GPC5: variants seen among roughly 807,000 people sequenced by gnomAD.
GPC5 encodes glypican-5.
A neutral mutation model predicts 53.9 loss-of-function variants in GPC5; 47 were observed. The observed-to-expected ratio is 0.87, with a 90% CI of 0.69 to 1.11. The LOEUF is 1.11. GPC5 is among the 50% of genes most tolerant of loss of function. The probability of loss-of-function intolerance (pLI) is 0.00; values close to 1 mark genes in which losing one functional copy is unlikely to be tolerated. For missense variants in GPC5, 748 were observed against 713.1 expected (o/e 1.05, Z -0.56); for synonymous variants, 286 against 263.3 (o/e 1.09, Z -0.84).
chr13:91,843,583 A>T (rs1352380772), intron 5 of GPC5, among the ~76,000 whole-genome samples: 2 of 152,210 alleles, frequency 1.3e-5, no homozygotes, highest in Non-Finnish European at 1.5e-5. Flanking sequence ...CTGTTTTAAA[A>T]CAACTGAGAA....
At chr13:92,093,294 G>A (rs760973862) in intron 6 of GPC5, among the ~76,000 whole-genome samples, 7 of 151,998 alleles carry the variant, frequency 4.6e-5, no homozygotes, top group East Asian at 3.9e-4. Flanking sequence ...CAGTTAAGTC[G>A]GTATTATTAC....
intron 6 of GPC5, among the ~76,000 whole-genome samples, chr13:92,046,328 G>T (rs894341253): frequency 2.0e-5 from 3 of 152,136 alleles, no homozygotes; most frequent in Admixed American, 1.3e-4. Flanking sequence ...TGTTTGAAAT[G>T]AATGTCATCT....
intron 6 of GPC5, among the ~76,000 whole-genome samples, chr13:92,031,805 A>G (rs12323264): frequency 0.019 from 1,800 of 95,516 alleles, 226 homozygotes; most frequent in African/African-American, 0.088. Context: ...TATATAATAT[A>G]TAATATATTA....
At position 91,888,057 on chromosome 13, in the gene GPC5, A is replaced by T. The variant is rs377685619; in HGVS notation, c.1281-19880A>T. Among the ~76,000 whole-genome samples, 6 of 152,310 alleles carry T rather than the reference A, an allele frequency of 3.9e-5. No homozygotes were observed. In the East Asian group the frequency reaches 1.2e-3, roughly 29 times the overall value. ...CATTTTTGTACTGCTATGAAGAAATATGCGAGAATGAGTAATTTACAGAGA... is the reference window on the plus strand; with the variant it reads ...CATTTTTGTACTGCTATGAAGAAATTTGCGAGAATGAGTAATTTACAGAGA... On this transcript the variant is annotated intron_variant, in intron 5 of 7. Transcript: ENST00000377067.
intron 6 of GPC5, among the ~76,000 whole-genome samples, chr13:92,037,196 C>A (rs78290568): frequency 0.019 from 2,819 of 152,066 alleles, 40 homozygotes; most frequent in Non-Finnish European, 0.026. Context: ...CACACATGCT[C>A]ATACACACAC....
At chr13:92,595,068 A>G (rs1375253821) in intron 7 of GPC5, among the ~76,000 whole-genome samples, 1 of 152,140 alleles carries the variant, frequency 6.6e-6, no homozygotes, top group South Asian at 2.1e-4. Context: ...CAGTTTTCCA[A>G]ATCATTACCT....
chr13:92,105,869 T>C (rs2138918979), intron 6 of GPC5, among the ~76,000 whole-genome samples: 1 of 152,162 alleles, frequency 6.6e-6, no homozygotes, highest in East Asian at 1.9e-4. Context: ...AAAAATCTTT[T>C]TCGGGCTCTC....
intron 7 of GPC5, among the ~76,000 whole-genome samples, chr13:92,337,254 T>G (rs928528073): frequency 1.3e-5 from 2 of 149,862 alleles, no homozygotes; most frequent in Admixed American, 6.6e-5. Context: ...TCAAGATCTA[T>G]CTGAGGAAAA....
chr13:92,415,185 C>T (rs1350013510), intron 7 of GPC5, among the ~76,000 whole-genome samples: 1 of 152,118 alleles, frequency 6.6e-6, no homozygotes, highest in Non-Finnish European at 1.5e-5. Flanking sequence ...ATGTTCATAA[C>T]TTAATGTTTC....
intron 5 of GPC5, among the ~76,000 whole-genome samples, chr13:91,859,072 T>G (rs990260772): frequency 6.6e-6 from 1 of 151,242 alleles, no homozygotes; most frequent in African/African-American, 2.4e-5. Flanking sequence ...GGTTAGTAGG[T>G]TTGGTTTATC....
intron 5 of GPC5, among the ~76,000 whole-genome samples, chr13:91,766,492 A>G (rs1441269104): frequency 1.3e-5 from 2 of 152,224 alleles, no homozygotes; most frequent in African/African-American, 4.8e-5. Flanking sequence ...GGTTGTCAAT[A>G]AAGATTAACC....
intron 7 of GPC5, among the ~76,000 whole-genome samples, chr13:92,665,209 TGAAAA>T (rs2139194820): frequency 6.6e-6 from 1 of 152,240 alleles, no homozygotes; most frequent in South Asian, 2.1e-4. Flanking sequence ...ATAAAATTAA[TGAAAA>T]GAAAGAGGCA....
chr13:92,703,926 T>C (rs1463632233), intron 7 of GPC5, among the ~76,000 whole-genome samples: 5 of 151,958 alleles, frequency 3.3e-5, no homozygotes, highest in African/African-American at 9.7e-5. Context: ...AGATCCTAGT[T>C]TATTCTTTAC....
chr13:91,844,114 G>A (rs778389713), intron 5 of GPC5, among the ~76,000 whole-genome samples: 1 of 152,168 alleles, frequency 6.6e-6, no homozygotes, highest in African/African-American at 2.4e-5. Flanking sequence ...TGGAACAGAT[G>A]CTCCAGCAAA....
intron 7 of GPC5, among the ~76,000 whole-genome samples, chr13:92,326,786 G>C (rs1350551851): frequency 2.0e-5 from 3 of 152,152 alleles, no homozygotes; most frequent in Non-Finnish European, 2.9e-5. Context: ...AATCTTCTCT[G>C]TGATTCATTT....
At chr13:91,983,868 G>A (rs1261030760) in intron 6 of GPC5, among the ~76,000 whole-genome samples, 1 of 152,118 alleles carries the variant, frequency 6.6e-6, no homozygotes, top group Non-Finnish European at 1.5e-5. Context: ...CAACCGATTT[G>A]TGCCCAACCA....
chr13:91,448,247 T>C (rs1880937226), intron 1 of GPC5, among the ~76,000 whole-genome samples: 1 of 152,202 alleles, frequency 6.6e-6, no homozygotes, highest in South Asian at 2.1e-4. Context: ...TCTCCCAGCA[T>C]GTCATTATTG....
rs530561791 is a variant in GPC5, at chr13:92,595,111, C to A, written c.1562-271171C>A. Among the ~76,000 whole-genome samples the A allele has an allele frequency of 2.6e-5, 4 of 152,236 alleles. No individual in the cohort carries two copies. The South Asian group carries it at 6.2e-4, about 24-fold the overall frequency. ...AGAAGGCAGAGATCCAGATGCTTTA[C>A]CATATTTTCTGCACCTCATTATTAA... is the stretch of plus-strand genomic sequence containing the variant. On this transcript the variant is annotated intron_variant, in intron 7 of 7. Transcript: ENST00000377067.
rs1479452232 is a variant in GPC5, at chr13:92,751,302, TTAAAAAAAAAAAAAAAA to T, written c.1562-114979_1562-114963del. On this transcript the variant is annotated intron_variant, in intron 7 of 7. Coordinates refer to ENST00000377067, the MANE Select transcript of GPC5 (RefSeq NM_004466.6). Reference sequence around the variant, plus strand: ...AAAACCTTTGGTCATCCAGAAACATTTAAAAAAAAAAAAAAAAAAAAAAAAAAAAAAAACCTTCCAAC... The same window carrying T: ...AAAACCTTTGGTCATCCAGAAACATTAAAAAAAAAAAAAAAACCTTCCAAC... 8.1e-4 allele frequency among the ~76,000 whole-genome samples: 28 copies of T among 34,426 alleles called. 1 individual carries two copies. The highest frequency in any genetic ancestry group is 1.8e-3 in the African/African-American group (18 of 9,806). The allele number at this position is 34,426 out of a possible 152,430, so 22.6% of individuals were successfully genotyped here. A position where few individuals can be genotyped will look rare whatever the true frequency, so the allele number is the denominator to read the frequency against.
Sources: gnomAD v4.1 joint callset for allele counts (sites outside exome capture counted in the v4.1 genomes callset) on GRCh38, gnomAD v4.1.1 for gene constraint, MANE v1.5 for transcripts, NCBI Gene and HGNC (gene_info 2026-07-23, HGNC 2026-07-21) for gene names.